SEZ6: variants seen among roughly 807,000 people sequenced by gnomAD.
SEZ6 encodes seizure protein 6 homolog.
In SEZ6, 53 loss-of-function variants were observed where a neutral mutation model predicts 101.0. That is an observed-to-expected ratio of 0.52 (90% CI 0.42 to 0.66). The LOEUF (loss-of-function observed/expected upper bound fraction) is 0.66. Among genes scored for constraint, SEZ6 ranks in the 30% least tolerant of loss-of-function variants. The pLI is 0.00. For synonymous variants in SEZ6, 488 were observed against 512.2 expected, an observed-to-expected ratio of 0.95 and a Z score of 0.64; for missense variants, 1,102 against 1,289.4, an observed-to-expected ratio of 0.85 and a Z score of 2.23.
chr17:29,000,348 C>A (rs78710938), intron 1 of SEZ6, among the ~76,000 whole-genome samples: 1 of 152,120 alleles, frequency 6.6e-6, no homozygotes, highest in Non-Finnish European at 1.5e-5. Context: ...GACTTAATCT[C>A]ATCAAAACTC....
chr17:28,991,481 C>A (rs2041456909), intron 1 of SEZ6, among the ~76,000 whole-genome samples: 1 of 152,232 alleles, frequency 6.6e-6, no homozygotes, highest in Admixed American at 6.5e-5. Flanking sequence ...GCTGGGATTA[C>A]AGGTATGAGT....
At chr17:28,986,465 C>A (rs2041385763) in intron 1 of SEZ6, among the ~76,000 whole-genome samples, 1 of 152,234 alleles carries the variant, frequency 6.6e-6, no homozygotes, top group East Asian at 1.9e-4. Context: ...GCCTTAAGGA[C>A]TGGGGCGTGT....
At position 28,959,474 on chromosome 17, in the gene SEZ6, T is replaced by C; in HGVS notation, c.1772-2A>G. The C allele has an allele frequency of 6.2e-7, 1 of 1,612,518 alleles. No homozygotes were observed. The highest frequency in any genetic ancestry group is 8.5e-7 in the Non-Finnish European group (1 of 1,179,708). ...CTGTGATCTCCCCGCTGCACACGGC[T>C]GGAAGGCAGAGGAGGCCCAGAAGGG... On this transcript the variant is annotated splice_acceptor_variant, in intron 8 of 16. Coordinates refer to ENST00000317338, the MANE Select transcript of SEZ6 (RefSeq NM_178860.5). LOFTEE classifies it high-confidence loss of function. The surrounding 1 kb of genome is among the most constrained non-coding windows in gnomAD (Gnocchi z 4.4).
At chr17:28,975,031 G>T (rs983441010) in intron 3 of SEZ6, among the ~76,000 whole-genome samples, 4 of 152,212 alleles carry the variant, frequency 2.6e-5, no homozygotes, top group African/African-American at 9.6e-5. Flanking sequence ...GTAAGGATTT[G>T]GTTAGATCCT....
intron 13 of SEZ6, 83 bp downstream of exon 13, chr17:28,956,962 G>A: frequency 4.9e-6 from 7 of 1,439,154 alleles, no homozygotes; most frequent in Admixed American, 2.2e-5. Context: ...ATGGGCAGGT[G>A]GTTCTGGTTC....
Position 28,977,670 on chromosome 17 carries a change from C to T in SEZ6, c.858+2010G>A, listed in dbSNP as rs530547223. ...TTGTGGAGGGTGCCAGGGCTGGGCT[C>T]AGCCTTGTCCAGTGGGCTTCAGTAG... On this transcript the variant is annotated intron_variant, in intron 3 of 16. Transcript: ENST00000317338. 1.2e-3 allele frequency among the ~76,000 whole-genome samples: 185 copies of T among 152,084 alleles called. 1 individual carries two copies. The highest frequency in any genetic ancestry group is 4.2e-3 in the African/African-American group (173 of 41,470).
chr17:29,002,860 T>C (rs1372242902), intron 1 of SEZ6, among the ~76,000 whole-genome samples: 3 of 152,288 alleles, frequency 2.0e-5, no homozygotes, highest in South Asian at 4.1e-4. Flanking sequence ...AGCTGAGTCG[T>C]CCTTCCTCTC....
intron 5 of SEZ6, among the ~76,000 whole-genome samples, chr17:28,962,843 G>C (rs1462632270): frequency 1.3e-5 from 2 of 150,904 alleles, no homozygotes; most frequent in African/African-American, 4.9e-5. Flanking sequence ...GAAAAAGCCC[G>C]GCCAGGCACG....
rs1258446429 is a variant in SEZ6 at position 28,957,165 on chromosome 17, C to T, written c.2572G>A (p.Ala858Thr). The T allele has an allele frequency of 6.2e-7, 1 of 1,613,966 alleles. No homozygotes were observed. Among genetic ancestry groups the T allele is most frequent in the Non-Finnish European group, 8.5e-7 (1 of 1,179,866 alleles). Residue 858 changes from alanine (A) to threonine (T), a missense_variant, in exon 13 of 17, where the codon GCA becomes ACA. Physicochemically the swap from Ala to Thr is moderately conservative, Grantham distance 58. This residue lies in a region of SEZ6 where 556 missense variants were observed against 735.1 expected (regional missense o/e 0.76). Coordinates refer to ENST00000317338, the MANE Select transcript of SEZ6 (RefSeq NM_178860.5). ...ARSPEKQLHP[A>T]GATIHFSCAP... is the part of the protein sequence containing the mutation. Reference sequence around the variant, plus strand: ...CACGAGAAGTGGATGGTGGCCCCTGCTGGGTGTAGCTGCTTCTCAGGACTT... The same window carrying T: ...CACGAGAAGTGGATGGTGGCCCCTGTTGGGTGTAGCTGCTTCTCAGGACTT...
Position 28,957,542 on chromosome 17 carries a change from A to G in SEZ6, c.2303-3T>C. 1.2e-6 allele frequency: 2 copies of G among 1,608,656 alleles called. No individual in the cohort carries two copies. Among genetic ancestry groups the G allele is most frequent in the Non-Finnish European group, 8.5e-7 (1 of 1,177,900 alleles). On this transcript the variant is annotated splice_region_variant and splice_polypyrimidine_tract_variant and intron_variant, in intron 11 of 16. Coordinates refer to ENST00000317338, the MANE Select transcript of SEZ6 (RefSeq NM_178860.5). ...TCCAGGATCGTGGCAGGAAGTCACT[A>G]TGGGTAGGGGGTGATGGGGAGAAGT...
Position 28,964,053 on chromosome 17 carries a change from A to G in SEZ6, c.1149T>C (p.Cys383=). 1 of 1,610,686 alleles carries G rather than the reference A, an allele frequency of 6.2e-7. No individual in the cohort carries two copies. The highest frequency in any genetic ancestry group is 8.5e-7 in the Non-Finnish European group (1 of 1,178,486). Residue 383 remains cysteine (C), a synonymous_variant, in exon 5 of 17, where the codon TGT becomes TGC. Transcript: ENST00000317338. ...LHPGGSARFH[C]ATGYQLKGAR... is the part of the protein sequence containing the mutation. ...CGCCCTTCAGCTGGTAGCCAGTGGC[A>G]CAATGGAAGCGGGCACTACCCCCTG...
rs2040944457 is a variant in SEZ6 at position 28,959,646 on chromosome 17, T to A, written c.1771+52A>T. ...GCCCCGGGCTCTGCTGCTATTCTCC[T>A]GGTATGACCCTGCCTTTTGCCCGGT... On this transcript the variant is annotated intron_variant, in intron 8 of 16. Coordinates refer to ENST00000317338, the MANE Select transcript of SEZ6 (RefSeq NM_178860.5). The surrounding 1 kb of genome is among the most constrained non-coding windows in gnomAD (Gnocchi z 4.4). 1 of 1,539,754 alleles carries A rather than the reference T, an allele frequency of 6.5e-7. No individual in the cohort carries two copies. Among genetic ancestry groups the A allele is most frequent in the Non-Finnish European group, 8.7e-7 (1 of 1,143,630 alleles).
intron 3 of SEZ6, among the ~76,000 whole-genome samples, chr17:28,978,936 G>T (rs2041260830): frequency 6.6e-6 from 1 of 152,040 alleles, no homozygotes; most frequent in Non-Finnish European, 1.5e-5. Flanking sequence ...TGATGGGACT[G>T]GGGGAAGAGG....
intron 3 of SEZ6, 130 bp downstream of exon 3, chr17:28,979,550 C>T (rs994117031): frequency 6.6e-6 from 9 of 1,361,542 alleles, no homozygotes; most frequent in Non-Finnish European, 9.1e-6. Flanking sequence ...CATCTCCCAG[C>T]CCTGGCCTTA....
chr17:28,986,720 C>CAGA (rs2041389656), intron 1 of SEZ6, among the ~76,000 whole-genome samples: 1 of 152,252 alleles, frequency 6.6e-6, no homozygotes, highest in Admixed American at 6.5e-5. Context: ...GCCAGAAAGC[C>CAGA]TTGGGTTCCA....
chr17:28,981,887 G>A lies in SEZ6; in HGVS notation c.208C>T (p.His70Tyr). The A allele has an allele frequency of 6.2e-7, 1 of 1,613,976 alleles. No individual in the cohort carries two copies. Residue 70 changes from histidine (H) to tyrosine (Y), a missense_variant, in exon 2 of 17, where the codon CAC becomes TAC. Physicochemically the swap from His to Tyr is moderately conservative, Grantham distance 83. Transcript: ENST00000317338. ...TAPTLKLLNH[H>Y]PLLEEFLQEG... ...TGTAGGAATTCCTCAAGCAGCGGGT[G>A]GTGGTTGAGCAGCTTCAAGGTGGGG... is the stretch of plus-strand genomic sequence containing the variant.
In SEZ6 at chr17:28,958,052, C is replaced by T. The variant is rs756611401; in HGVS notation, c.2197G>A (p.Val733Met). 2.3e-4 allele frequency: 368 copies of T among 1,613,658 alleles called. No individual in the cohort carries two copies. Among genetic ancestry groups the T allele is most frequent in the Non-Finnish European group, 2.9e-4 (342 of 1,179,706 alleles). Reference sequence around the variant, plus strand: ...CCAGGGTAGCACTGGTAAGTGACCACGGTGCCGTGCACTAGCTCAGGCTGC... The same window carrying T: ...CCAGGGTAGCACTGGTAAGTGACCATGGTGCCGTGCACTAGCTCAGGCTGC... ...PSQPELVHGT[V>M]VTYQCYPGYQ... Residue 733 changes from valine (V) to methionine (M), a missense_variant, in exon 11 of 17, where the codon GTG becomes ATG. Transcript: ENST00000317338.
In SEZ6 at chr17:28,959,296, C is replaced by G. The variant is rs748828997; in HGVS notation, c.1910+38G>C. On this transcript the variant is annotated intron_variant, in intron 9 of 16. Coordinates refer to ENST00000317338, the MANE Select transcript of SEZ6 (RefSeq NM_178860.5). The surrounding 1 kb of genome is among the most constrained non-coding windows in gnomAD (Gnocchi z 4.4). ...GGCTGGACAAGGGATATCCCCAGAC[C>G]TCAGGAGTTGGCTCGGCCTGACCCG... 1 of 1,613,900 alleles carries G rather than the reference C, an allele frequency of 6.2e-7. No individual in the cohort carries two copies. Among genetic ancestry groups the G allele is most frequent in the South Asian group, 1.1e-5 (1 of 91,078 alleles).
chr17:28,986,496 G>A (rs942831158), intron 1 of SEZ6, among the ~76,000 whole-genome samples: 12 of 152,224 alleles, frequency 7.9e-5, no homozygotes, highest in African/African-American at 2.7e-4. Flanking sequence ...AGCTAGGTAG[G>A]TGTTATGGCC....
Sources: allele counts gnomAD v4.1 joint callset (sites outside exome capture counted in the v4.1 genomes callset), GRCh38; gene constraint gnomAD v4.1.1; regional missense constraint gnomAD v4.1.1; non-coding constraint Gnocchi (gnomAD v3.1); transcripts MANE v1.5; gene names NCBI Gene and HGNC (gene_info 2026-07-23, HGNC 2026-07-21).